HAUS1: variants seen among roughly 807,000 people sequenced by gnomAD.
HAUS1 encodes the protein HAUS augmin-like complex subunit 1.
In HAUS1, 25 loss-of-function variants were observed where a neutral mutation model predicts 38.6. The observed-to-expected ratio is 0.65, with a 90% CI of 0.47 to 0.91. The LOEUF (loss-of-function observed/expected upper bound fraction) is 0.91. HAUS1 is among the 40% of genes least tolerant of loss of function. The probability of loss-of-function intolerance (pLI) is 0.00; values close to 1 mark genes in which losing one functional copy is unlikely to be tolerated. For synonymous variants in HAUS1, 109 were observed against 112.9 expected, an observed-to-expected ratio of 0.97 and a Z score of 0.22; for missense variants, 325 against 328.4, an observed-to-expected ratio of 0.99 and a Z score of 0.08.
chr18:46,113,233 T>C (rs888727735), intron 2 of HAUS1, among the ~76,000 whole-genome samples: 1 of 151,268 alleles, frequency 6.6e-6, no homozygotes, highest in African/African-American at 2.4e-5. Context: ...TGCAACACTA[T>C]GCCTGGCTAA....
chr18:46,125,691 T>C, intron 7 of HAUS1, 53 bp from the exon 8 acceptor site: 1 of 1,247,292 alleles, frequency 8.0e-7, no homozygotes, highest in Non-Finnish European at 1.2e-6. Context: ...ATTTTTCTCC[T>C]TGGGTCTGAA....
intron 8 of HAUS1, 111 bp downstream of exon 8, chr18:46,125,902 C>T (rs377257929): frequency 1.4e-6 from 1 of 693,804 alleles, no homozygotes; most frequent in Admixed American, 2.7e-5. Flanking sequence ...AAGCTGCAGT[C>T]CTAAAGTTAC....
intron 3 of HAUS1, among the ~76,000 whole-genome samples, chr18:46,119,457 T>G (rs538114510): frequency 6.6e-6 from 1 of 152,064 alleles, no homozygotes; most frequent in East Asian, 1.9e-4. Flanking sequence ...TTTTTAAACT[T>G]TTTTTTTATA....
At position 46,124,847 on chromosome 18, in the gene HAUS1, C is replaced by G; in HGVS notation, c.692C>G (p.Thr231Ser). 6.2e-7 allele frequency: 1 copy of G among 1,606,576 alleles called. No individual in the cohort carries two copies. Among genetic ancestry groups the G allele is most frequent in the Non-Finnish European group, 8.5e-7 (1 of 1,174,158 alleles). The change falls in exon 7 of 9, where the codon ACT (threonine) becomes AGT (serine). Residue 231 changes from threonine (T) to serine (S), a missense_variant. Coordinates refer to ENST00000282058, the MANE Select transcript of HAUS1 (RefSeq NM_138443.4). ...SEKLARLKQQ[T>S]IPLKKKLESY... is the part of the protein sequence containing the mutation. ...AAACTGGCAAGATTAAAGCAACAGA[C>G]TATACCTTTGAAGAAAAAATTGGAG...
chr18:46,113,005 TGGA>T (rs1911704079), intron 2 of HAUS1, among the ~76,000 whole-genome samples: 1 of 114,192 alleles, frequency 8.8e-6, no homozygotes, highest in African/African-American at 3.6e-5. Context: ...TCCATATATA[TGGA>T]ATATATATAT....
At chr18:46,126,378 G>T (rs948218749) in intron 8 of HAUS1, among the ~76,000 whole-genome samples, 6 of 152,124 alleles carry the variant, frequency 3.9e-5, no homozygotes, top group African/African-American at 1.4e-4. Flanking sequence ...GAATATTCTA[G>T]GCAAAAAGAA....
chr18:46,127,081 G>A (rs535983306), intron 8 of HAUS1, among the ~76,000 whole-genome samples: 6 of 151,942 alleles, frequency 3.9e-5, no homozygotes, highest in South Asian at 4.2e-4. Context: ...TGATCCACCC[G>A]CCTCAGCCTC....
At chr18:46,110,963 G>C (rs2144248812) in intron 2 of HAUS1, among the ~76,000 whole-genome samples, 1 of 145,000 alleles carries the variant, frequency 6.9e-6, no homozygotes, top group East Asian at 2.1e-4. Flanking sequence ...TGCAACCTCT[G>C]CCTTCCGGAT....
rs535349917 is a variant in HAUS1, at chr18:46,117,211, A to G, written c.206-970A>G. 3.3e-5 allele frequency among the ~76,000 whole-genome samples: 5 copies of G among 152,362 alleles called. No individual in the cohort carries two copies. In the South Asian group the frequency reaches 1.0e-3, roughly 32 times the overall value. ...AAGAGAAATGAAAACATATGTTCATATCAAAACCTAACATTTACTGAATAA... is the reference window on the plus strand; with the variant it reads ...AAGAGAAATGAAAACATATGTTCATGTCAAAACCTAACATTTACTGAATAA... On this transcript the variant is annotated intron_variant, in intron 2 of 8. Transcript: ENST00000282058.
chr18:46,127,707 CAA>C (rs36020437), intron 8 of HAUS1, among the ~76,000 whole-genome samples: 5,116 of 78,270 alleles, frequency 0.065, 271 homozygotes, highest in African/African-American at 0.19. Flanking sequence ...GACTGCATCT[CAA>C]AAAAAAAAAA....
chr18:46,110,991 C>T (rs1160929404), intron 2 of HAUS1, among the ~76,000 whole-genome samples: 5 of 150,726 alleles, frequency 3.3e-5, no homozygotes, highest in African/African-American at 4.9e-5. Context: ...ATTCTCGTGC[C>T]TCAGCCTCCT....
At chr18:46,112,322 T>C (rs1459986054) in intron 2 of HAUS1, among the ~76,000 whole-genome samples, 2 of 134,876 alleles carry the variant, frequency 1.5e-5, no homozygotes, top group Admixed American at 8.1e-5. Context: ...ATATAATATA[T>C]ATAATGTGTA....
chr18:46,122,304 T>TCAAAA (rs370835393), intron 4 of HAUS1, among the ~76,000 whole-genome samples, 163 bp from the exon 5 acceptor site: 1 of 148,342 alleles, frequency 6.7e-6, no homozygotes, highest in Non-Finnish European at 1.5e-5. Context: ...ACCTCATCTC[T>TCAAAA]TAAAAAAAAA....
intron 3 of HAUS1, among the ~76,000 whole-genome samples, chr18:46,119,562 T>A (rs1248857237): frequency 6.6e-6 from 1 of 152,174 alleles, no homozygotes; most frequent in African/African-American, 2.4e-5. Flanking sequence ...AATACGATAG[T>A]AACTTCCTTA....
At position 46,108,733 on chromosome 18, in the gene HAUS1, C is replaced by T. The variant is rs545059883; in HGVS notation, c.205+3365C>T. 3.7e-3 allele frequency among the ~76,000 whole-genome samples: 560 copies of T among 151,964 alleles called. 5 individuals are homozygous for T. The highest frequency in any genetic ancestry group is 0.012 in the African/African-American group (512 of 41,424). ...TGTTTAATTCCACTTTGTATTAGTC[C>T]GTTCTCAAACTGCTATAACGAACTA... On this transcript the variant is annotated intron_variant, in intron 2 of 8. Coordinates refer to ENST00000282058, the MANE Select transcript of HAUS1 (RefSeq NM_138443.4).
chr18:46,117,859 T>C (rs1911836099), intron 2 of HAUS1, among the ~76,000 whole-genome samples: 1 of 151,728 alleles, frequency 6.6e-6, no homozygotes, highest in Non-Finnish European at 1.5e-5. Context: ...GGCAGGAGAA[T>C]CACTGGAACC....
At chr18:46,113,112 T>C (rs1025967879) in intron 2 of HAUS1, among the ~76,000 whole-genome samples, 3 of 143,152 alleles carry the variant, frequency 2.1e-5, no homozygotes, top group Non-Finnish European at 4.5e-5. Context: ...AGGGTCTCAC[T>C]CTGTTGCCCA....
At chr18:46,112,957 A>ATTCCATATAT (rs1911693460) in intron 2 of HAUS1, among the ~76,000 whole-genome samples, 14 of 85,156 alleles carry the variant, frequency 1.6e-4, no homozygotes, top group Non-Finnish European at 2.9e-4. Flanking sequence ...TAATATATAT[A>ATTCCATATAT]ATATGTATAT....
At chr18:46,119,844 C>T in intron 3 of HAUS1, 82 bp from the exon 4 acceptor site, 1 of 1,230,136 alleles carries the variant, frequency 8.1e-7, no homozygotes. Flanking sequence ...ATCTACAGGG[C>T]AATAAAGTCA....
Sources: gnomAD v4.1 joint callset for allele counts (sites outside exome capture counted in the v4.1 genomes callset) on GRCh38, gnomAD v4.1.1 for gene constraint, MANE v1.5 for transcripts, NCBI Gene and HGNC (gene_info 2026-07-23, HGNC 2026-07-21) for gene names.